The following SYNE1 variants were observed in gnomAD, a reference collection of about 807,000 sequenced individuals.
SYNE1 encodes the protein spectrin repeat containing nuclear envelope protein 1.
In SYNE1, 616 loss-of-function variants were observed where a neutral mutation model predicts 1,111.0. That is an observed-to-expected ratio of 0.55 (90% CI 0.52 to 0.59). The LOEUF is 0.59. Among genes scored for constraint, SYNE1 ranks in the 20% least tolerant of loss-of-function variants. SYNE1 has a pLI of 0.00. For missense variants in SYNE1, 10,006 were observed against 10,417.0 expected (o/e 0.96, Z 1.72); for synonymous variants, 3,855 against 3,825.8 (o/e 1.01, Z -0.28).
intron 87 of SYNE1, 51 bp from the exon 88 acceptor site, chr6:152,310,924 T>C (rs370289854): frequency 7.6e-6 from 12 of 1,572,234 alleles, no homozygotes; most frequent in Non-Finnish European, 9.6e-6. Context: ...TAGAGGGATA[T>C]AGATATTCAA....
chr6:152,305,485 A>T (rs966568799), intron 91 of SYNE1, among the ~76,000 whole-genome samples: 1 of 152,076 alleles, frequency 6.6e-6, no homozygotes, highest in South Asian at 2.1e-4. Flanking sequence ...GGCTGGTCTC[A>T]AACTCCTGAC....
At chr6:152,588,448 AT>A (rs1292114547) in intron 3 of SYNE1, among the ~76,000 whole-genome samples, 4 of 152,144 alleles carry the variant, frequency 2.6e-5, no homozygotes, top group African/African-American at 9.7e-5. Context: ...TTTGGTCTGG[AT>A]TTTTTCTGTG....
Position 152,326,487 on chromosome 6 carries a change from G to A in SYNE1, c.15102C>T (p.Ser5034=), listed in dbSNP as rs779770147. 1 of 1,614,054 alleles carries A rather than the reference G, an allele frequency of 6.2e-7. No individual in the cohort carries two copies. Among genetic ancestry groups the A allele is most frequent in the Non-Finnish European group, 8.5e-7 (1 of 1,180,038 alleles). ...DVESAEENLK[S]HMEFFSTEDQ... Reference sequence around the variant, plus strand: ...CCTCTGTACTGAAAAATTCCATGTGGCTTTTGAGATTTTCCTCTGCGCTCT... The same window carrying A: ...CCTCTGTACTGAAAAATTCCATGTGACTTTTGAGATTTTCCTCTGCGCTCT... Residue 5034 remains serine, a synonymous_variant, in exon 79 of 146, where the codon AGC becomes AGT. Transcript: ENST00000367255.
chr6:152,604,986 AAGAAAGAAAGAAAGAAAGAAAGAGAG>A lies in SYNE1; in HGVS notation c.67+23253_67+23278del, dbSNP rs1333468253. On this transcript the variant is annotated intron_variant, in intron 3 of 145. Transcript: ENST00000367255. ...AAAGAAAGAAAGAAAGAAAGAAAGAAAGAAAGAAAGAAAGAAAGAAAGAGAGAGAGAGAGAGAGAGAGAGAGAGAGG... is the reference window on the plus strand; with the variant it reads ...AAAGAAAGAAAGAAAGAAAGAAAGAAAGAGAGAGAGAGAGAGAGAGAGAGG... 3.8e-3 allele frequency among the ~76,000 whole-genome samples: 103 copies of A among 26,824 alleles called. 1 individual carries two copies. The highest frequency in any genetic ancestry group is 7.4e-3 in the South Asian group (4 of 540). 17.6% of individuals were successfully genotyped at this position (26,824 alleles called of 152,430 possible).
At chr6:152,386,231 C>T (rs1234110971) in intron 54 of SYNE1, among the ~76,000 whole-genome samples, 1 of 152,026 alleles carries the variant, frequency 6.6e-6, no homozygotes, top group Non-Finnish European at 1.5e-5. Context: ...TCATAACAGT[C>T]CTGTGAGGAA....
chr6:152,563,554 C>T (rs1456293687), intron 3 of SYNE1, among the ~76,000 whole-genome samples: 1 of 152,072 alleles, frequency 6.6e-6, no homozygotes, highest in Admixed American at 6.6e-5. Context: ...TATATCAACT[C>T]ATCACATTGC....
At chr6:152,470,577 C>A (rs945866620) in intron 16 of SYNE1, among the ~76,000 whole-genome samples, 1 of 152,072 alleles carries the variant, frequency 6.6e-6, no homozygotes, top group Non-Finnish European at 1.5e-5. Context: ...GCAGTTAAAT[C>A]ATTTTTTTCT....
intron 42 of SYNE1, among the ~76,000 whole-genome samples, chr6:152,412,912 C>T (rs986498593): frequency 7.1e-5 from 10 of 139,918 alleles, no homozygotes; most frequent in African/African-American, 1.3e-4. Context: ...AATGCTGTGG[C>T]GCAATCTTGG....
intron 142 of SYNE1, 136 bp from the exon 143 acceptor site, chr6:152,133,624 G>A: frequency 1.2e-6 from 1 of 851,594 alleles, no homozygotes; most frequent in Non-Finnish European, 1.9e-6. Flanking sequence ...ACACACTAAA[G>A]GATGCAGCAG....
chr6:152,277,804 T>G, intron 98 of SYNE1: 1 of 483,002 alleles, frequency 2.1e-6, no homozygotes, highest in Non-Finnish European at 3.8e-6. Context: ...TTACTTTCCC[T>G]CTCCAGTTCC....
chr6:152,254,244 C>CTTTTTTTTTTTTTTTTTTTTT (rs773598537), intron 104 of SYNE1, among the ~76,000 whole-genome samples: 1 of 73,144 alleles, frequency 1.4e-5, no homozygotes, highest in Non-Finnish European at 2.4e-5. Context: ...TCTGCATACT[C>CTTTTTTTTTTTTTTTTTTTTT]TTTTTTTTTT....
At chr6:152,460,021 T>C (rs75557874) in intron 21 of SYNE1, among the ~76,000 whole-genome samples, 2 of 152,214 alleles carry the variant, frequency 1.3e-5, no homozygotes, top group African/African-American at 2.4e-5. Flanking sequence ...GAGAGTCTAC[T>C]AATGTGTATA....
intron 39 of SYNE1, among the ~76,000 whole-genome samples, chr6:152,421,298 G>A (rs543896837): frequency 6.6e-6 from 1 of 152,170 alleles, no homozygotes; most frequent in African/African-American, 2.4e-5. Flanking sequence ...TTAATGTTGA[G>A]AGACTTTTGA....
Position 152,409,220 on chromosome 6 carries a change from T to C in SYNE1, c.6388A>G (p.Thr2130Ala), listed in dbSNP as rs781195595. 2.5e-6 allele frequency: 4 copies of C among 1,614,022 alleles called. No individual in the cohort carries two copies. The Admixed American group carries it at 6.7e-5, about 27-fold the overall frequency. The change falls in exon 44 of 146, where the codon ACT becomes GCT. Residue 2130 changes from threonine to alanine, a missense_variant. This residue lies in a region of SYNE1 where 4,955 missense variants were observed against 5,017.2 expected (regional missense o/e 0.99). Coordinates refer to ENST00000367255, the MANE Select transcript of SYNE1 (RefSeq NM_182961.4). Reference sequence around the variant, plus strand: ...TTGTAATTCATTTTGTTCTTGGCAGTTTCATGCTGTGGATAAATGATTTCT... The same window carrying C: ...TTGTAATTCATTTTGTTCTTGGCAGCTTCATGCTGTGGATAAATGATTTCT... ...DLKWAFSKHE[T>A]AKNKMNYKQK...
chr6:152,524,854 G>A (rs2099156268), intron 5 of SYNE1, among the ~76,000 whole-genome samples: 2 of 152,148 alleles, frequency 1.3e-5, no homozygotes, highest in Admixed American at 1.3e-4. Flanking sequence ...ACCTGTCTCA[G>A]AATTACCCTG....
Position 152,194,453 on chromosome 6 carries a change from G to A in SYNE1, c.23146-5046C>T, listed in dbSNP as rs193178368. ...GATCCTTTCTTTATTTTTGACCTTC[G>A]GGAGTTTAATTATTAAATGCCTTGA... On this transcript the variant is annotated intron_variant, in intron 127 of 145. Transcript: ENST00000367255. Among the ~76,000 whole-genome samples, 348 of 151,862 alleles carry A rather than the reference G, an allele frequency of 2.3e-3. 1 individual carries two copies. Among genetic ancestry groups the A allele is most frequent in the Non-Finnish European group, 3.3e-3 (224 of 67,968 alleles).
At chr6:152,500,323 A>T (rs1292041629) in intron 10 of SYNE1, among the ~76,000 whole-genome samples, 1 of 152,190 alleles carries the variant, frequency 6.6e-6, no homozygotes, top group Non-Finnish European at 1.5e-5. Flanking sequence ...TTGCACATGG[A>T]GTCTTTGCTT....
At chr6:152,403,205 CA>C (rs1347800752) in intron 46 of SYNE1, among the ~76,000 whole-genome samples, 4 of 152,124 alleles carry the variant, frequency 2.6e-5, no homozygotes, top group African/African-American at 4.8e-5. Context: ...GTGGGGCTGC[CA>C]GCCAAAAGAG....
intron 3 of SYNE1, among the ~76,000 whole-genome samples, chr6:152,573,204 T>C (rs2099474345): frequency 6.6e-6 from 1 of 152,052 alleles, no homozygotes; most frequent in African/African-American, 2.4e-5. Flanking sequence ...TATTATACTT[T>C]AAGTTTTAGG....
Sources: gnomAD v4.1 joint callset for allele counts (sites outside exome capture counted in the v4.1 genomes callset) on GRCh38, gnomAD v4.1.1 for gene constraint, gnomAD v4.1.1 regional missense constraint, MANE v1.5 for transcripts, NCBI Gene and HGNC (gene_info 2026-07-23, HGNC 2026-07-21) for gene names.